TBC1D14: variants seen among roughly 807,000 people sequenced by gnomAD.
TBC1D14 encodes the protein TBC1 domain family, member 14.
In TBC1D14, 26 loss-of-function variants were observed where a neutral mutation model predicts 79.0. The observed-to-expected ratio is 0.33, with a 90% CI of 0.24 to 0.46. TBC1D14 has a LOEUF of 0.46. Ranked by LOEUF, TBC1D14 falls within the 20% of genes least tolerant of loss-of-function variation. The pLI is 1.00. For missense variants in TBC1D14, 769 were observed against 887.6 expected, an observed-to-expected ratio of 0.87 and a Z score of 1.70; for synonymous variants, 394 against 349.9, an observed-to-expected ratio of 1.13 and a Z score of -1.40.
intron 1 of TBC1D14, among the ~76,000 whole-genome samples, chr4:6,920,168 C>A (rs1353223615): frequency 1.3e-5 from 2 of 152,144 alleles, no homozygotes; most frequent in Non-Finnish European, 2.9e-5. Flanking sequence ...TTTCTGAATT[C>A]TGCATTTCAT....
chr4:7,013,621 C>T (rs562054698), intron 11 of TBC1D14, among the ~76,000 whole-genome samples: 1 of 152,350 alleles, frequency 6.6e-6, no homozygotes, highest in South Asian at 2.1e-4. Flanking sequence ...GTGTTTCCCC[C>T]TCGTTGCATT....
At chr4:6,923,083 C>G (rs561074741) in intron 1 of TBC1D14, among the ~76,000 whole-genome samples, 22 of 152,342 alleles carry the variant, frequency 1.4e-4, no homozygotes, top group Non-Finnish European at 2.9e-4. Flanking sequence ...TGCCTGTAAT[C>G]CCAGCTACCT....
chr4:6,954,548 G>T lies in TBC1D14; in HGVS notation c.723-12756G>T, dbSNP rs146635237. Among the ~76,000 whole-genome samples, 400 of 152,302 alleles carry T rather than the reference G, an allele frequency of 2.6e-3. 4 individuals are homozygous for T. The South Asian group carries it at 0.029, about 11-fold the overall frequency. Reference sequence around the variant, plus strand: ...GCCCGAGCTCCCTGGGCTGGTGTTTGTGCTTATGTGTATCTCATGCCCACT... The same window carrying T: ...GCCCGAGCTCCCTGGGCTGGTGTTTTTGCTTATGTGTATCTCATGCCCACT... On this transcript the variant is annotated intron_variant, in intron 2 of 13. Transcript: ENST00000409757.
intron 3 of TBC1D14, chr4:6,987,525 G>A (rs1717987450): frequency 4.0e-6 from 2 of 500,548 alleles, no homozygotes; most frequent in East Asian, 3.5e-5. Context: ...CTCAACAGCC[G>A]AAGCTTGCTG....
chr4:6,933,276 C>CCCCCTT (rs1186457982), intron 2 of TBC1D14, among the ~76,000 whole-genome samples: 269 of 16,946 alleles, frequency 0.016, 10 homozygotes, highest in Non-Finnish European at 0.022. Flanking sequence ...CCCTTCCCCT[C>CCCCCTT]CCCCTTCCCC....
intron 2 of TBC1D14, among the ~76,000 whole-genome samples, chr4:6,932,087 G>A (rs1046942362): frequency 4.6e-5 from 7 of 152,036 alleles, no homozygotes; most frequent in South Asian, 2.1e-4. Flanking sequence ...GTGGCCAGGC[G>A]GGTGGCTCAC....
In TBC1D14 at chr4:6,967,433, G is replaced by A. The variant is rs1438024329; in HGVS notation, c.843+9G>A. 3.0e-5 allele frequency: 48 copies of A among 1,610,650 alleles called. No individual in the cohort carries two copies. Among genetic ancestry groups the A allele is most frequent in the Non-Finnish European group, 4.0e-5 (47 of 1,179,350 alleles). On this transcript the variant is annotated intron_variant, in intron 3 of 13. Transcript: ENST00000409757. ...CAAAGAGAATACAGAAGGTACACAAGATACAAAATCACAGAAATAGGCTGT... is the reference window on the plus strand; with the variant it reads ...CAAAGAGAATACAGAAGGTACACAAAATACAAAATCACAGAAATAGGCTGT...
At chr4:6,957,296 G>T (rs1021309733) in intron 2 of TBC1D14, among the ~76,000 whole-genome samples, 1 of 152,240 alleles carries the variant, frequency 6.6e-6, no homozygotes. Context: ...CCAATCTCAC[G>T]TTGAAGCAGT....
intron 2 of TBC1D14, among the ~76,000 whole-genome samples, chr4:6,948,652 A>T (rs1471623251): frequency 6.7e-6 from 1 of 149,592 alleles, no homozygotes; most frequent in Admixed American, 6.6e-5. Flanking sequence ...CCGAAAGGTG[A>T]TATTGTCAGT....
At position 7,006,755 on chromosome 4, in the gene TBC1D14, G is replaced by T. The variant is rs1720233996; in HGVS notation, c.1446+29G>T. 1.9e-6 allele frequency: 3 copies of T among 1,593,304 alleles called. No homozygotes were observed. In the Admixed American group the frequency reaches 5.1e-5, roughly 27 times the overall value. On this transcript the variant is annotated intron_variant, in intron 9 of 13. Coordinates refer to ENST00000409757, the MANE Select transcript of TBC1D14 (RefSeq NM_020773.3). ...AGTGGTGGTGACTTGTTGCTTTCAAGTATGTTTTGTCTAAAATTCATAGAT... is the reference window on the plus strand; with the variant it reads ...AGTGGTGGTGACTTGTTGCTTTCAATTATGTTTTGTCTAAAATTCATAGAT...
At chr4:6,947,545 C>T (rs1264681648) in intron 2 of TBC1D14, among the ~76,000 whole-genome samples, 1 of 151,794 alleles carries the variant, frequency 6.6e-6, no homozygotes, top group Non-Finnish European at 1.5e-5. Flanking sequence ...GCCTGTAATC[C>T]CACCTACTCA....
intron 2 of TBC1D14, 32 bp downstream of exon 2, chr4:6,924,143 G>T (rs947147787): frequency 5.7e-6 from 9 of 1,585,690 alleles, no homozygotes; most frequent in African/African-American, 1.3e-5. Context: ...AGAAGATCGT[G>T]GTGGTTGAGT....
chr4:6,958,685 T>C (rs1714899117), intron 2 of TBC1D14, among the ~76,000 whole-genome samples: 1 of 152,232 alleles, frequency 6.6e-6, no homozygotes, highest in South Asian at 2.1e-4. Flanking sequence ...TCCACCCACC[T>C]TGGCCTACCA....
At chr4:7,000,864 G>A (rs1180856128) in intron 6 of TBC1D14, among the ~76,000 whole-genome samples, 1 of 152,190 alleles carries the variant, frequency 6.6e-6, no homozygotes, top group African/African-American at 2.4e-5. Context: ...TCCTTCATGT[G>A]CTCAGGTCAT....
chr4:6,987,858 G>A (rs1000867030), intron 3 of TBC1D14, among the ~76,000 whole-genome samples: 6 of 152,314 alleles, frequency 3.9e-5, no homozygotes, highest in Non-Finnish European at 8.8e-5. Context: ...TCACCAGCCC[G>A]CATATTAACT....
intron 2 of TBC1D14, among the ~76,000 whole-genome samples, chr4:6,958,069 C>T (rs1317718464): frequency 6.6e-6 from 1 of 152,014 alleles, no homozygotes; most frequent in Non-Finnish European, 1.5e-5. Flanking sequence ...GGGCCAGGCT[C>T]ATCCTGCTCC....
chr4:7,028,211 C>T (rs914232870), intron 13 of TBC1D14, among the ~76,000 whole-genome samples: 6 of 151,960 alleles, frequency 3.9e-5, no homozygotes, highest in South Asian at 2.1e-4. Context: ...TCAGTCCCTG[C>T]GCATCCACAT....
At chr4:7,002,034 CATTTG>C (rs1719726966) in intron 7 of TBC1D14, among the ~76,000 whole-genome samples, 1 of 152,138 alleles carries the variant, frequency 6.6e-6, no homozygotes. Context: ...TGAGTTTAAA[CATTTG>C]ATTTGTATCT....
At chr4:6,989,886 G>C (rs993541865) in intron 3 of TBC1D14, among the ~76,000 whole-genome samples, 19 of 152,124 alleles carry the variant, frequency 1.2e-4, no homozygotes, top group Admixed American at 1.0e-3. Context: ...ATGTTGGTAT[G>C]GTCTCGTCTT....
Sources: allele counts gnomAD v4.1 joint callset (sites outside exome capture counted in the v4.1 genomes callset), GRCh38; gene constraint gnomAD v4.1.1; transcripts MANE v1.5; gene names NCBI Gene and HGNC (gene_info 2026-07-23, HGNC 2026-07-21).